The following SELENON variants were observed in gnomAD, a reference collection of about 807,000 sequenced individuals.
The protein encoded by SELENON is selenoprotein N, also known as selenoprotein N, 1.
Under a neutral mutation model 59.5 loss-of-function variants are expected in SELENON, and 44 were observed. The ratio of observed to expected loss-of-function variants is 0.74; its 90% confidence interval spans 0.58 to 0.95. SELENON has a LOEUF of 0.95. Ranked by LOEUF, SELENON falls within the 40% of genes least tolerant of loss-of-function variation. The probability of loss-of-function intolerance (pLI) is 0.00; values close to 1 mark genes in which losing one functional copy is unlikely to be tolerated. For synonymous variants in SELENON, 320 were observed against 305.6 expected (o/e 1.05, Z -0.49); for missense variants, 674 against 721.4 (o/e 0.93, Z 0.75).
At chr1:25,801,212 C>A in intron 2 of SELENON, 52 bp downstream of exon 2, 1 of 1,399,428 alleles carries the variant, frequency 7.1e-7, no homozygotes, top group Non-Finnish European at 1.0e-6. Flanking sequence ...CCAACGGTGT[C>A]TTCACTGAGC....
At chr1:25,808,481 G>A (rs1572232338) in intron 4 of SELENON, 99 bp from the exon 4 acceptor site, 1 of 1,406,330 alleles carries the variant, frequency 7.1e-7, no homozygotes, top group Non-Finnish European at 1.0e-6. Context: ...CCTTGGTGTG[G>A]GCTGGCTCGG....
rs367649765 is a variant in SELENON at position 25,804,372 on chromosome 1, C to T, written c.404-770C>T. On this transcript the variant is annotated intron_variant, in intron 3 of 12. Coordinates refer to ENST00000361547, the MANE Select transcript of SELENON (RefSeq NM_020451.3). ...CTGCTAGCCAGTCAGTCAGCAAATG[C>T]CAGGCATCATCTCTGTACCACTACC... 1.3e-4 allele frequency among the ~76,000 whole-genome samples: 20 copies of T among 152,224 alleles called. 1 individual carries two copies. Among genetic ancestry groups the T allele is most frequent in the African/African-American group, 4.1e-4 (17 of 41,518 alleles).
intron 10 of SELENON, 105 bp downstream of exon 9, chr1:25,812,897 C>G: frequency 1.1e-6 from 1 of 889,102 alleles, no homozygotes; most frequent in African/African-American, 1.7e-5. Flanking sequence ...GTTGTGAGGG[C>G]CTCAGGGACT....
intron 7 of SELENON, among the ~76,000 whole-genome samples, chr1:25,810,068 G>A (rs543938059): frequency 5.6e-4 from 85 of 152,224 alleles, no homozygotes; most frequent in Non-Finnish European, 1.0e-3. Context: ...GCAGCAGTCC[G>A]CAGACCCTTC....
chr1:25,805,621 G>T (rs908229494), intron 4 of SELENON, among the ~76,000 whole-genome samples: 4 of 151,694 alleles, frequency 2.6e-5, no homozygotes. Flanking sequence ...TAGTGCAGCC[G>T]CCCCACATAC....
chr1:25,800,376 G>C lies in SELENON; in HGVS notation c.146G>C (p.Cys49Ser). ...GCCGCTGCCGCCGCCGTCCGGGTCT[G>C]CGCCCGCCACGCCGAGGCCCAGGCG... is the stretch of plus-strand genomic sequence containing the variant. Residue 49 changes from cysteine (C) to serine (S), a missense_variant, in exon 1 of 13, where the codon TGC (cysteine) becomes TCC (serine). By Grantham distance (112) the Cys-to-Ser change is moderately radical (BLOSUM62 -1). Transcript: ENST00000361547. The C allele has an allele frequency of 1.8e-6, 2 of 1,093,878 alleles. No homozygotes were observed. Among genetic ancestry groups the C allele is most frequent in the Non-Finnish European group, 2.2e-6 (2 of 900,624 alleles). The allele number at this position is 1,093,878 out of a possible 1,614,324, so 67.8% of individuals were successfully genotyped here.
chr1:25,804,634 TG>T (rs2047887385), intron 3 of SELENON, among the ~76,000 whole-genome samples: 3 of 53,972 alleles, frequency 5.6e-5, no homozygotes, highest in Admixed American at 1.8e-4. Context: ...GCTGGGGCAA[TG>T]CCCCCCCCGC....
chr1:25,814,032 A>C (rs769913661), intron 11 of SELENON, 39 bp downstream of exon 10: 2 of 1,610,516 alleles, frequency 1.2e-6, no homozygotes, highest in Non-Finnish European at 1.7e-6. Flanking sequence ...CGTCCGGAAC[A>C]GTGGTGGGGG....
In SELENON at chr1:25,808,943, TCGGGTCTGGGCTGA is replaced by T. The variant is rs1259477801; in HGVS notation, c.748-81_748-68del. On this transcript the variant is annotated intron_variant, in intron 5 of 12. Transcript: ENST00000361547. ...CCCTCCCCATGGGGCCCCTGGGCCG[TCGGGTCTGGGCTGA>T]CCCCCACCCCAGCGGATCCAGGCCC... 3 of 1,608,376 alleles carry T rather than the reference TCGGGTCTGGGCTGA, an allele frequency of 1.9e-6. No homozygotes were observed. The African/African-American group carries it at 4.0e-5, about 21-fold the overall frequency.
chr1:25,802,304 T>C (rs934924090), intron 3 of SELENON, among the ~76,000 whole-genome samples: 1 of 152,130 alleles, frequency 6.6e-6, no homozygotes, highest in African/African-American at 2.4e-5. Flanking sequence ...GCTATAACTA[T>C]CATTACTAAA....
At chr1:25,800,600 T>TG (rs1345806864) in intron 1 of SELENON, among the ~76,000 whole-genome samples, 187 bp downstream of exon 1, 1 of 97,494 alleles carries the variant, frequency 1.0e-5, no homozygotes, top group East Asian at 2.6e-4. Flanking sequence ...GCCGGGCTGA[T>TG]GGGGGGAAGG....
chr1:25,802,578 ACTC>A (rs1464688159), intron 3 of SELENON, among the ~76,000 whole-genome samples: 1 of 151,768 alleles, frequency 6.6e-6, no homozygotes, highest in African/African-American at 2.4e-5. Context: ...CTGGTCTCGA[ACTC>A]CTGACCTCAA....
At chr1:25,813,708 A>G in intron 10 of SELENON, 173 bp from the exon 10 acceptor site, 1 of 664,700 alleles carries the variant, frequency 1.5e-6, no homozygotes, top group South Asian at 1.6e-5. Context: ...CTGGTATATT[A>G]TTGATGTTAA....
Position 25,816,067 on chromosome 1 carries a change from G to A in SELENON, c.*349G>A. 1 of 210,842 alleles carries A rather than the reference G, an allele frequency of 4.7e-6. No homozygotes were observed. Among genetic ancestry groups the A allele is most frequent in the Non-Finnish European group, 9.6e-6 (1 of 104,644 alleles). The allele number at this position is 210,842 out of a possible 1,614,324, so 13.1% of individuals were successfully genotyped here. ...CTAGGCCCTTGTGGGGTGAAGAATGGAGGGAGGAGCAGGCTAGGAAGACGG... is the reference window on the plus strand; with the variant it reads ...CTAGGCCCTTGTGGGGTGAAGAATGAAGGGAGGAGCAGGCTAGGAAGACGG... On this transcript the variant is annotated 3_prime_UTR_variant, in exon 13 of 13. Coordinates refer to ENST00000361547, the MANE Select transcript of SELENON (RefSeq NM_020451.3).
chr1:25,809,661 C>T, intron 6 of SELENON, 22 bp from the exon 6 acceptor site: 1 of 1,612,994 alleles, frequency 6.2e-7, no homozygotes, highest in Non-Finnish European at 8.5e-7. Context: ...AGCTCTGGTG[C>T]AGCAGATCCC....
At position 25,809,037 on chromosome 1, in the gene SELENON, C is replaced by T. The variant is rs756379754; in HGVS notation, c.759C>T (p.His253=). The T allele has an allele frequency of 6.2e-7, 1 of 1,613,748 alleles. No homozygotes were observed. Among genetic ancestry groups the T allele is most frequent in the Non-Finnish European group, 8.5e-7 (1 of 1,180,028 alleles). Reference sequence around the variant, plus strand: ...CCCGCCGCCCCCAGGTCATCATCCACCGGCTCCTGAGCATGTTCCACCCTC... The same window carrying T: ...CCCGCCGCCCCCAGGTCATCATCCATCGGCTCCTGAGCATGTTCCACCCTC... The change falls in exon 6 of 13, where the codon CAC becomes CAT. Residue 253 remains histidine (H), a synonymous_variant. Transcript: ENST00000361547.
chr1:25,806,339 CT>C (rs2047907112), intron 4 of SELENON, among the ~76,000 whole-genome samples: 1 of 152,226 alleles, frequency 6.6e-6, no homozygotes, highest in African/African-American at 2.4e-5. Context: ...AATAAGACAG[CT>C]TTCTCATCAG....
chr1:25,800,858 G>T (rs188938426), intron 1 of SELENON, among the ~76,000 whole-genome samples, 185 bp from the exon 2 acceptor site: 24 of 152,230 alleles, frequency 1.6e-4, no homozygotes, highest in Non-Finnish European at 1.5e-5. Context: ...GGATGAGCAG[G>T]GACCAGGAGG....
chr1:25,812,304 G>A (rs545382485), intron 9 of SELENON, among the ~76,000 whole-genome samples: 36 of 151,958 alleles, frequency 2.4e-4, no homozygotes, highest in Non-Finnish European at 4.1e-4. Context: ...CTATGATTGC[G>A]CCACTGCACT....
Sources: allele counts gnomAD v4.1 joint callset (sites outside exome capture counted in the v4.1 genomes callset), GRCh38; gene constraint gnomAD v4.1.1; transcripts MANE v1.5; gene names NCBI Gene and HGNC (gene_info 2026-07-23, HGNC 2026-07-21).